Variants in ZNF385D observed in about 807,000 individuals in gnomAD.
The protein encoded by ZNF385D is zinc finger protein 659.
Under a neutral mutation model 35.8 loss-of-function variants are expected in ZNF385D, and 15 were observed. That is an observed-to-expected ratio of 0.42 (90% CI 0.28 to 0.64). The LOEUF is 0.64. ZNF385D is among the 30% of genes least tolerant of loss of function. The probability of loss-of-function intolerance (pLI) is 0.23; values close to 1 mark genes in which losing one functional copy is unlikely to be tolerated. For missense variants in ZNF385D, 474 were observed against 494.6 expected, an observed-to-expected ratio of 0.96 and a Z score of 0.39; for synonymous variants, 212 against 186.8, an observed-to-expected ratio of 1.13 and a Z score of -1.10.
intron 2 of ZNF385D, among the ~76,000 whole-genome samples, chr3:22,175,521 C>T (rs1260741121): frequency 6.6e-6 from 1 of 151,808 alleles, no homozygotes; most frequent in Admixed American, 6.6e-5. Context: ...TTCAAAGTTG[C>T]CCATGCAGGA....
chr3:21,455,622 G>A (rs568372198), intron 4 of ZNF385D, among the ~76,000 whole-genome samples: 16 of 152,080 alleles, frequency 1.1e-4, no homozygotes, highest in Admixed American at 1.0e-3. Flanking sequence ...AGACCTAAAA[G>A]CATAAAAACC....
chr3:21,467,206 C>A (rs1398309851), intron 4 of ZNF385D, among the ~76,000 whole-genome samples: 1 of 152,160 alleles, frequency 6.6e-6, no homozygotes, highest in African/African-American at 2.4e-5. Flanking sequence ...ATTTACTTTC[C>A]TATTGCTTGA....
At chr3:21,676,267 A>C (rs1458980724) in intron 1 of ZNF385D, among the ~76,000 whole-genome samples, 1 of 152,084 alleles carries the variant, frequency 6.6e-6, no homozygotes, top group Non-Finnish European at 1.5e-5. Flanking sequence ...ACTCTATAAT[A>C]CCAAAAAGAT....
intron 2 of ZNF385D, among the ~76,000 whole-genome samples, chr3:22,335,684 T>C (rs532449403): frequency 3.3e-5 from 5 of 152,272 alleles, no homozygotes; most frequent in South Asian, 4.1e-4. Flanking sequence ...TTGACATATA[T>C]GTTTATGTGT....
chr3:21,800,011 A>G (rs960825200), intron 3 of ZNF385D, among the ~76,000 whole-genome samples: 13 of 152,140 alleles, frequency 8.5e-5, no homozygotes, highest in Non-Finnish European at 5.9e-5. Flanking sequence ...AAAGACCATT[A>G]TTTCCAAAGA....
intron 3 of ZNF385D, among the ~76,000 whole-genome samples, chr3:21,857,177 A>G (rs1228568217): frequency 6.6e-6 from 1 of 152,078 alleles, no homozygotes; most frequent in Non-Finnish European, 1.5e-5. Flanking sequence ...CCTATCAAAT[A>G]GTATATATTT....
At position 21,589,847 on chromosome 3, in the gene ZNF385D, A is replaced by T. The variant is rs192078027; in HGVS notation, c.166-25163T>A. 4.7e-4 allele frequency among the ~76,000 whole-genome samples: 71 copies of T among 152,288 alleles called. No homozygotes were observed. The East Asian group carries it at 0.013, about 27-fold the overall frequency. ...TTTAAAAAAATGTATAACAGTAGCA[A>T]CCACTGATGAAGATGTAGAACAAAA... On this transcript the variant is annotated intron_variant, in intron 2 of 7. Coordinates refer to ENST00000281523, the MANE Select transcript of ZNF385D (RefSeq NM_024697.3).
intron 3 of ZNF385D, among the ~76,000 whole-genome samples, chr3:22,146,063 G>A (rs1445071410): frequency 6.6e-6 from 1 of 152,106 alleles, no homozygotes; most frequent in Non-Finnish European, 1.5e-5. Context: ...GCAGGGCCCT[G>A]AAATGAAGCA....
chr3:22,000,992 TAAAC>T (rs1695805869), intron 3 of ZNF385D, among the ~76,000 whole-genome samples: 1 of 151,538 alleles, frequency 6.6e-6, no homozygotes, highest in African/African-American at 2.4e-5. Flanking sequence ...GTAGAGCAAA[TAAAC>T]TAGTAAGATT....
intron 3 of ZNF385D, among the ~76,000 whole-genome samples, chr3:22,001,743 T>TAA (rs35919641): frequency 6.0e-5 from 9 of 151,110 alleles, no homozygotes; most frequent in East Asian, 1.9e-4. Context: ...AAGTCTCAAT[T>TAA]AAAAAAAAAT....
intron 2 of ZNF385D, among the ~76,000 whole-genome samples, chr3:21,594,422 G>A (rs1340765891): frequency 1.3e-5 from 2 of 152,168 alleles, no homozygotes; most frequent in African/African-American, 4.8e-5. Flanking sequence ...TACACTTGAG[G>A]AGGAGCAGAA....
chr3:21,516,336 A>T (rs1186563302), intron 3 of ZNF385D, among the ~76,000 whole-genome samples: 1 of 152,232 alleles, frequency 6.6e-6, no homozygotes. Flanking sequence ...AGGAGACCAG[A>T]ATATTCCACT....
intron 2 of ZNF385D, among the ~76,000 whole-genome samples, chr3:21,571,140 A>G (rs1319851506): frequency 6.6e-6 from 1 of 152,184 alleles, no homozygotes; most frequent in Non-Finnish European, 1.5e-5. Flanking sequence ...TTCAGCAATC[A>G]AGTCTCTCAG....
At chr3:21,622,824 T>C (rs1391766472) in intron 2 of ZNF385D, among the ~76,000 whole-genome samples, 1 of 152,144 alleles carries the variant, frequency 6.6e-6, no homozygotes, top group Non-Finnish European at 1.5e-5. Flanking sequence ...AATTCATGTC[T>C]CTAAATTAAT....
intron 3 of ZNF385D, among the ~76,000 whole-genome samples, chr3:22,089,483 A>C (rs138472265): frequency 0.018 from 2,718 of 152,252 alleles, 37 homozygotes; most frequent in Non-Finnish European, 0.031. Context: ...GGTACACGCA[A>C]TTTCTGCAAC....
At chr3:21,889,381 A>G (rs1698721995) in intron 3 of ZNF385D, among the ~76,000 whole-genome samples, 1 of 152,064 alleles carries the variant, frequency 6.6e-6, no homozygotes, top group Non-Finnish European at 1.5e-5. Flanking sequence ...TAGCACTGTA[A>G]CCAACCAGAT....
chr3:21,997,024 A>G (rs1695505009), intron 3 of ZNF385D, among the ~76,000 whole-genome samples: 1 of 151,774 alleles, frequency 6.6e-6, no homozygotes, highest in African/African-American at 2.4e-5. Flanking sequence ...TTTATTTCTT[A>G]ATGAAACCAT....
chr3:21,918,689 CTTCT>C (rs1203137547), intron 3 of ZNF385D, among the ~76,000 whole-genome samples: 5 of 152,066 alleles, frequency 3.3e-5, no homozygotes, highest in Admixed American at 6.6e-5. Context: ...TGACATTATT[CTTCT>C]TTGTCTTTAT....
chr3:21,891,090 C>A (rs2125882239), intron 3 of ZNF385D, among the ~76,000 whole-genome samples: 1 of 152,168 alleles, frequency 6.6e-6, no homozygotes, highest in Admixed American at 6.5e-5. Flanking sequence ...ATAATTTCAT[C>A]ATTTGCAAAA....
Sources: allele counts gnomAD v4.1 joint callset (sites outside exome capture counted in the v4.1 genomes callset), GRCh38; gene constraint gnomAD v4.1.1; transcripts MANE v1.5; gene names NCBI Gene and HGNC (gene_info 2026-07-23, HGNC 2026-07-21).